CCDC191: variants seen among roughly 807,000 people sequenced by gnomAD.
CCDC191 encodes coiled-coil domain-containing protein 191.
Under a neutral mutation model 114.0 loss-of-function variants are expected in CCDC191, and 99 were observed. That is an observed-to-expected ratio of 0.87 (90% CI 0.74 to 1.03). The LOEUF (loss-of-function observed/expected upper bound fraction) is 1.03. CCDC191 is among the 50% of genes least tolerant of loss of function. The pLI, the probability that CCDC191 is intolerant of heterozygous loss-of-function variation, is 0.00. For synonymous variants in CCDC191, 351 were observed against 376.0 expected (o/e 0.93, Z 0.77); for missense variants, 973 against 1,087.0 (o/e 0.90, Z 1.47).
chr3:113,976,449 A>ATTTC (rs1941355753), intron 16 of CCDC191, among the ~76,000 whole-genome samples: 1 of 152,046 alleles, frequency 6.6e-6, no homozygotes, highest in African/African-American at 2.4e-5. Flanking sequence ...CCTGTTGCTT[A>ATTTC]TTTCTTTGCC....
chr3:113,980,804 T>C lies in CCDC191; in HGVS notation c.2164-11A>G. The C allele has an allele frequency of 6.3e-7, 1 of 1,592,586 alleles. No individual in the cohort carries two copies. The highest frequency in any genetic ancestry group is 1.7e-4 in the Middle Eastern group (1 of 6,000). On this transcript the variant is annotated splice_polypyrimidine_tract_variant and intron_variant, in intron 13 of 16. Transcript: ENST00000295878. The stretch of plus-strand genomic sequence containing the variant: ...CTTCTCAAGTTCTTTCTGGAAAAGA[T>C]TAAAAAGCAAAATGCTATGATCAAA...
chr3:114,006,611 T>TAA (rs1391366574), intron 9 of CCDC191, among the ~76,000 whole-genome samples: 3 of 125,872 alleles, frequency 2.4e-5, no homozygotes, highest in Non-Finnish European at 5.0e-5. Flanking sequence ...TATATATATA[T>TAA]ATATATAAAT....
At chr3:114,006,619 A>ATATATATATATATATAAAT (rs1559903359) in intron 9 of CCDC191, among the ~76,000 whole-genome samples, 29 of 92,492 alleles carry the variant, frequency 3.1e-4, no homozygotes, top group African/African-American at 1.2e-3. Flanking sequence ...TATATATATA[A>ATATATATATATATATAAAT]ATATATATAT....
chr3:113,986,726 G>A (rs2075372116), intron 13 of CCDC191, among the ~76,000 whole-genome samples: 2 of 152,162 alleles, frequency 1.3e-5, no homozygotes, highest in Admixed American at 1.3e-4. Context: ...GTCCTAGGGT[G>A]CAGCCCTAAT....
rs150202005 is a variant in CCDC191 at position 114,005,774 on chromosome 3, G to A, written c.1602C>T (p.Asn534=). Reference sequence around the variant, plus strand: ...TCTGGCTGGTAGTTCTGAGTGTCTCGTTGCTGCCAGGCTGTTGAGAGGGTT... The same window carrying A: ...TCTGGCTGGTAGTTCTGAGTGTCTCATTGCTGCCAGGCTGTTGAGAGGGTT... ...GAEPSQQPGS[N]ETLRTTSQKA... is the part of the protein sequence containing the mutation. Residue 534 remains asparagine, a synonymous_variant, in exon 10 of 17, where the codon AAC becomes AAT. Coordinates refer to ENST00000295878, the MANE Select transcript of CCDC191 (RefSeq NM_020817.2). The A allele has an allele frequency of 2.7e-5, 43 of 1,614,102 alleles. No homozygotes were observed. The highest frequency in any genetic ancestry group is 1.3e-4 in the African/African-American group (10 of 75,040).
chr3:114,000,633 G>T, intron 13 of CCDC191, among the ~76,000 whole-genome samples: 1 of 148,910 alleles, frequency 6.7e-6, no homozygotes, highest in African/African-American at 2.4e-5. Flanking sequence ...TACCTTATAT[G>T]ACTTTCTTGA....
chr3:113,982,222 CAGACTTTTTCAAAGTCTACACTT>C (rs2075180145), intron 13 of CCDC191, among the ~76,000 whole-genome samples: 2 of 152,166 alleles, frequency 1.3e-5, no homozygotes, highest in Admixed American at 1.3e-4. Context: ...TGGGGAAAAC[CAGACTTTTTCAAAGTCTACACTT>C]CCATGGAAAA....
At position 113,990,840 on chromosome 3, in the gene CCDC191, C is replaced by A. The variant is rs1274784649; in HGVS notation, c.2164-10047G>T. On this transcript the variant is annotated intron_variant, in intron 13 of 16. Transcript: ENST00000295878. ...ATGCAGGCTGGTGTGGTGGTGCATG[C>A]TTAGAATCCCAGCTACTCAGGAGGC... 2.0e-5 allele frequency among the ~76,000 whole-genome samples: 3 copies of A among 146,760 alleles called. No individual in the cohort carries two copies. In the East Asian group the frequency reaches 6.1e-4, roughly 30 times the overall value.
At chr3:113,987,848 C>T (rs963174213) in intron 13 of CCDC191, among the ~76,000 whole-genome samples, 2 of 151,874 alleles carry the variant, frequency 1.3e-5, no homozygotes, top group South Asian at 4.2e-4. Context: ...TTGAGACCAG[C>T]CTGGTCAAGA....
At position 114,056,387 on chromosome 3, in the gene CCDC191, G is replaced by C. The variant is rs1439123852; in HGVS notation, c.80C>G (p.Pro27Arg). The change falls in exon 1 of 17, where the codon CCG (proline) becomes CGG (arginine). Residue 27 changes from proline to arginine, a missense_variant. Pro to Arg is a moderately radical substitution (Grantham distance 103). Coordinates refer to ENST00000295878, the MANE Select transcript of CCDC191 (RefSeq NM_020817.2). ...CTCGATTGGGATCACCTTGGGACTC[G>C]GCTTCCTTGTGAACCGTTTCCAGCG... ...LNRWKRFTRK[P>R]SPKPTFGPDS... 1 of 1,613,946 alleles carries C rather than the reference G, an allele frequency of 6.2e-7. No individual in the cohort carries two copies. The highest frequency in any genetic ancestry group is 2.2e-5 in the East Asian group (1 of 44,882).
chr3:114,055,345 T>G (rs1237041889), intron 1 of CCDC191, among the ~76,000 whole-genome samples: 1 of 152,238 alleles, frequency 6.6e-6, no homozygotes, highest in African/African-American at 2.4e-5. Flanking sequence ...CATATCTATA[T>G]CCTATCTTGG....
chr3:114,031,905 C>G, intron 6 of CCDC191, 126 bp from the exon 7 acceptor site: 1 of 571,540 alleles, frequency 1.7e-6, no homozygotes, highest in South Asian at 2.4e-5. Flanking sequence ...AGATCTGGCT[C>G]TAAAACTACA....
chr3:114,034,821 C>G, intron 6 of CCDC191, 104 bp downstream of exon 6: 4 of 904,052 alleles, frequency 4.4e-6, no homozygotes, highest in Non-Finnish European at 6.9e-6. Context: ...GATTTCTCTT[C>G]TATGTTTTGT....
At chr3:114,029,561 G>A (rs2076375138) in intron 7 of CCDC191, among the ~76,000 whole-genome samples, 2 of 152,094 alleles carry the variant, frequency 1.3e-5, no homozygotes, top group Admixed American at 6.6e-5. Flanking sequence ...ACCTTAATGG[G>A]TGACAGTTTA....
intron 16 of CCDC191, among the ~76,000 whole-genome samples, chr3:113,967,873 T>C (rs567120208): frequency 1.3e-5 from 2 of 152,280 alleles, no homozygotes; most frequent in South Asian, 4.1e-4. Context: ...CTCTCCCACA[T>C]GAGTAAGAAC....
At chr3:114,005,464 A>T (rs199808643) in intron 10 of CCDC191, 44 bp downstream of exon 10, 8 of 1,531,454 alleles carry the variant, frequency 5.2e-6, no homozygotes, top group Non-Finnish European at 7.0e-6. Context: ...AAAGTGAAAA[A>T]CCCCTTAAAA....
In CCDC191 at chr3:113,992,009, A is replaced by AAATG. The variant is rs141871312; in HGVS notation, c.2163+9585_2163+9586insCATT. Among the ~76,000 whole-genome samples the AAATG allele has an allele frequency of 5.9e-3, 899 of 152,342 alleles. 10 individuals carry two copies. Among genetic ancestry groups the AAATG allele is most frequent in the African/African-American group, 0.017 (722 of 41,590 alleles). ...GATGAAAGAAATCAAAGATATAAAT[A>AAATG]GAGAAAAGACATTAGCAAGATGGTG... is the stretch of plus-strand genomic sequence containing the variant. On this transcript the variant is annotated intron_variant, in intron 13 of 16. Transcript: ENST00000295878.
At chr3:114,050,442 T>C (rs895576463) in intron 2 of CCDC191, among the ~76,000 whole-genome samples, 1 of 152,244 alleles carries the variant, frequency 6.6e-6, no homozygotes, top group Non-Finnish European at 1.5e-5. Flanking sequence ...GCTGTATCTG[T>C]GTATATAAAT....
At chr3:113,979,309 G>C (rs1412373292) in intron 14 of CCDC191, among the ~76,000 whole-genome samples, 4 of 152,194 alleles carry the variant, frequency 2.6e-5, no homozygotes, top group Non-Finnish European at 5.9e-5. Context: ...GAGTTTTGGA[G>C]TGGGTAGCTG....
Sources: allele counts gnomAD v4.1 joint callset (sites outside exome capture counted in the v4.1 genomes callset), GRCh38; gene constraint gnomAD v4.1.1; transcripts MANE v1.5; gene names NCBI Gene and HGNC (gene_info 2026-07-23, HGNC 2026-07-21).